KNTC1: variants seen among roughly 807,000 people sequenced by gnomAD.
The protein encoded by KNTC1 is kinetochore associated 1, also known as kinetochore-associated protein 1.
Under a neutral mutation model 314.4 loss-of-function variants are expected in KNTC1, and 253 were observed. The observed-to-expected ratio is 0.80, with a 90% confidence interval of 0.73 to 0.89. The LOEUF (loss-of-function observed/expected upper bound fraction) is 0.89. Ranked by LOEUF, KNTC1 falls within the 40% of genes least tolerant of loss-of-function variation. The pLI is 0.00. For missense variants in KNTC1, 2,475 were observed against 2,572.9 expected (o/e 0.96, Z 0.82); for synonymous variants, 901 against 901.4 (o/e 1.00, Z 0.01).
intron 3 of KNTC1, among the ~76,000 whole-genome samples, chr12:122,537,152 T>TAAGAAGGCCAAGAAG (rs1488893311): frequency 2.6e-5 from 4 of 152,214 alleles, no homozygotes; most frequent in African/African-American, 9.6e-5. Context: ...TTGGCCTTCT[T>TAAGAAGGCCAAGAAG]GCTTTTGCAT....
Position 122,602,616 on chromosome 12 carries a change from T to C in KNTC1, c.4701T>C (p.Pro1567=). ...TGAAGTCATACAGAAGAATTTCTCC[T>C]CCCGTGGATCTAGAATATCAGTATA... ...KHLKSYRRIS[P]PVDLEYQYML... Residue 1567 remains proline, a synonymous_variant, in exon 46 of 64, where the codon CCT becomes CCC. Coordinates refer to ENST00000333479, the MANE Select transcript of KNTC1 (RefSeq NM_014708.6). The C allele has an allele frequency of 9.3e-6, 15 of 1,611,852 alleles. No individual in the cohort carries two copies. The highest frequency in any genetic ancestry group is 1.3e-5 in the Non-Finnish European group (15 of 1,178,186).
intron 37 of KNTC1, 66 bp downstream of exon 37, chr12:122,585,840 T>G: frequency 6.6e-7 from 1 of 1,508,670 alleles, no homozygotes; most frequent in Non-Finnish European, 9.2e-7. Flanking sequence ...ACTGTAGAGG[T>G]TTGGAGCTAG....
intron 33 of KNTC1, among the ~76,000 whole-genome samples, chr12:122,581,686 G>C (rs1868412884): frequency 6.6e-6 from 1 of 151,414 alleles, no homozygotes; most frequent in African/African-American, 2.4e-5. Context: ...ATAGAGACGG[G>C]GTTTTGCCAT....
At position 122,551,672 on chromosome 12, in the gene KNTC1, C is replaced by T. The variant is rs762841864; in HGVS notation, c.1248C>T (p.Ala416=). The T allele has an allele frequency of 3.1e-6, 5 of 1,613,504 alleles. No individual in the cohort carries two copies. The South Asian group carries it at 5.5e-5, about 18-fold the overall frequency. The change falls in exon 16 of 64, where the codon GCC becomes GCT. Residue 416 remains alanine, a synonymous_variant. Coordinates refer to ENST00000333479, the MANE Select transcript of KNTC1 (RefSeq NM_014708.6). ...GATTTGCTGAAGCTGAGAGTTTTGC[C>T]ATTCAGTTTGGACTAGATGTTGAGG... is the stretch of plus-strand genomic sequence containing the variant. The part of the protein sequence containing the change: ...KHRFAEAESF[A]IQFGLDVELV...
chr12:122,543,908 G>A (rs901149544), intron 7 of KNTC1, among the ~76,000 whole-genome samples: 7 of 152,032 alleles, frequency 4.6e-5, no homozygotes, highest in African/African-American at 1.7e-4. Context: ...AATTAGCCGG[G>A]GGGTGGTGGC....
chr12:122,618,192 G>C (rs532452491), intron 57 of KNTC1, 151 bp from the exon 58 acceptor site: 1 of 657,736 alleles, frequency 1.5e-6, no homozygotes, highest in Non-Finnish European at 2.6e-6. Flanking sequence ...GGCTGGTTTC[G>C]AACTCCTGAC....
At chr12:122,539,784 AC>A in intron 5 of KNTC1, 30 bp downstream of exon 5, 5 of 1,259,888 alleles carry the variant, frequency 4.0e-6, no homozygotes, top group Non-Finnish European at 5.4e-6. Context: ...TTTTTGAATG[AC>A]TTTTTTTTTT....
intron 18 of KNTC1, among the ~76,000 whole-genome samples, 194 bp downstream of exon 18, chr12:122,557,883 G>A (rs1470623221): frequency 6.6e-6 from 1 of 152,160 alleles, no homozygotes; most frequent in East Asian, 1.9e-4. Flanking sequence ...CAGTTCAGTG[G>A]TTTTTAATAT....
chr12:122,592,332 C>G lies in KNTC1; in HGVS notation c.4245+879C>G, dbSNP rs568859624. 1.1e-4 allele frequency among the ~76,000 whole-genome samples: 16 copies of G among 152,296 alleles called. No homozygotes were observed. The South Asian group carries it at 3.1e-3, about 30-fold the overall frequency. ...CGCCTCCGTGGGTTCCTGTGCAGCC[C>G]GAGCCTCCCCGACAAATGCCGCCCC... is the stretch of plus-strand genomic sequence containing the variant. On this transcript the variant is annotated intron_variant, in intron 42 of 63. Transcript: ENST00000333479.
chr12:122,624,651 C>T lies in KNTC1; in HGVS notation c.6569C>T (p.Pro2190Leu), dbSNP rs1874818670. Residue 2190 changes from proline to leucine, a missense_variant, in exon 63 of 64, where the codon CCT (proline) becomes CTT (leucine). By Grantham distance (98) the Pro-to-Leu change is moderately conservative (BLOSUM62 -3). Coordinates refer to ENST00000333479, the MANE Select transcript of KNTC1 (RefSeq NM_014708.6). ...ITEYSKHCGK[P>L]VPPDTAPCEI... ...GAATATTCAAAGCACTGCGGGAAAC[C>T]TGTGCCTCCAGACACTGCTCCCTGT... 6.2e-7 allele frequency: 1 copy of T among 1,613,418 alleles called. No homozygotes were observed. Among genetic ancestry groups the T allele is most frequent in the Non-Finnish European group, 8.5e-7 (1 of 1,179,540 alleles).
At chr12:122,533,972 G>A (rs1380781557) in intron 2 of KNTC1, among the ~76,000 whole-genome samples, 1 of 152,160 alleles carries the variant, frequency 6.6e-6, no homozygotes, top group Non-Finnish European at 1.5e-5. Flanking sequence ...TGATGCATTT[G>A]CCTAAGATCA....
At chr12:122,587,916 A>T in intron 39 of KNTC1, 42 bp downstream of exon 39, 1 of 1,545,584 alleles carries the variant, frequency 6.5e-7, no homozygotes, top group Admixed American at 1.9e-5. Context: ...GGGTGAATAT[A>T]GATGTAAAAG....
intron 20 of KNTC1, 24 bp from the exon 21 acceptor site, chr12:122,568,237 T>C (rs1488973030): frequency 1.7e-6 from 2 of 1,180,892 alleles, no homozygotes; most frequent in Non-Finnish European, 2.5e-6. Flanking sequence ...AAAACTGACT[T>C]TTTTCCCTTC....
At chr12:122,576,033 G>C (rs1417064525) in intron 29 of KNTC1, 134 bp downstream of exon 29, 3 of 1,087,006 alleles carry the variant, frequency 2.8e-6, no homozygotes, top group African/African-American at 3.2e-5. Context: ...TAGATATGAT[G>C]TTAATAAGGT....
chr12:122,616,285 T>C (rs1873756849), intron 57 of KNTC1, among the ~76,000 whole-genome samples: 1 of 151,328 alleles, frequency 6.6e-6, no homozygotes, highest in South Asian at 2.1e-4. Flanking sequence ...TTTTTTGAGA[T>C]GGAGTCTCGC....
chr12:122,543,271 C>T (rs1351643661), intron 6 of KNTC1, among the ~76,000 whole-genome samples: 1 of 151,772 alleles, frequency 6.6e-6, no homozygotes, highest in African/African-American at 2.4e-5. Context: ...GGGTATATGA[C>T]AAGATTGAAG....
At chr12:122,575,932 T>C in intron 29 of KNTC1, 33 bp downstream of exon 29, 1 of 1,561,694 alleles carries the variant, frequency 6.4e-7, no homozygotes, top group African/African-American at 1.4e-5. Context: ...CTTTTTTCTC[T>C]TTCATTTCTG....
At chr12:122,571,211 A>C in intron 24 of KNTC1, 85 bp downstream of exon 24, 1 of 934,640 alleles carries the variant, frequency 1.1e-6, no homozygotes, top group Admixed American at 2.6e-5. Flanking sequence ...GTATCTGGAA[A>C]TATATCTACT....
chr12:122,530,592 A>C (rs1406910058), intron 2 of KNTC1, among the ~76,000 whole-genome samples: 1 of 151,928 alleles, frequency 6.6e-6, no homozygotes, highest in Non-Finnish European at 1.5e-5. Flanking sequence ...CTGAGATTAC[A>C]GTTGTGTGCC....
Sources: allele counts gnomAD v4.1 joint callset (sites outside exome capture counted in the v4.1 genomes callset), GRCh38; gene constraint gnomAD v4.1.1; transcripts MANE v1.5; gene names NCBI Gene and HGNC (gene_info 2026-07-23, HGNC 2026-07-21).